TMEM272: variants seen among roughly 807,000 people sequenced by gnomAD.
The protein encoded by TMEM272 is transmembrane protein 272.
Under a neutral mutation model 3.7 loss-of-function variants are expected in TMEM272, and 8 were observed. The observed-to-expected ratio is 2.17, with a 90% CI of 1.27 to 3.91. The LOEUF (loss-of-function observed/expected upper bound fraction) is 3.91. Among genes scored for constraint, TMEM272 ranks in the 30% most tolerant of loss-of-function variants. The pLI is 0.00. For synonymous variants in TMEM272, 63 were observed against 39.8 expected, an observed-to-expected ratio of 1.58 and a Z score of -2.20; for missense variants, 166 against 91.5, an observed-to-expected ratio of 1.81 and a Z score of -3.32.
At chr13:51,829,707 T>C (rs527272616) in intron 2 of TMEM272, among the ~76,000 whole-genome samples, 53 of 152,276 alleles carry the variant, frequency 3.5e-4, no homozygotes, top group Non-Finnish European at 7.2e-4. Context: ...TGGCCACATA[T>C]ATAATCCAGG....
At chr13:51,880,405 G>A in the TMEM272 span, among the ~76,000 whole-genome samples, 1 of 152,108 alleles carries the variant, frequency 6.6e-6, no homozygotes, top group South Asian at 2.1e-4. Context: ...TGGGCCTGTA[G>A]TATTAAAGTA....
the TMEM272 span, among the ~76,000 whole-genome samples, chr13:51,899,835 A>C: frequency 6.6e-6 from 1 of 152,266 alleles, no homozygotes; most frequent in African/African-American, 2.4e-5. Context: ...TTAAATTATG[A>C]ATAGAAATAA....
chr13:51,931,634 T>C, the TMEM272 span, among the ~76,000 whole-genome samples: 5 of 151,882 alleles, frequency 3.3e-5, no homozygotes, highest in Admixed American at 3.3e-4. Flanking sequence ...ACTTAAAGTA[T>C]AACAAAAAAA....
chr13:51,829,310 A>ATTTT (rs1369293726), intron 2 of TMEM272, among the ~76,000 whole-genome samples: 1 of 152,208 alleles, frequency 6.6e-6, no homozygotes, highest in Non-Finnish European at 1.5e-5. Context: ...CAGCAAATAA[A>ATTTT]AAGGCCAAAA....
At chr13:51,885,131 T>C in the TMEM272 span, among the ~76,000 whole-genome samples, 3 of 152,164 alleles carry the variant, frequency 2.0e-5, no homozygotes, top group Non-Finnish European at 4.4e-5. Flanking sequence ...TGAAGTTCAG[T>C]CTGCTAGGGG....
At chr13:51,847,235 AC>A (rs1956311798), upstream of TMEM272, among the ~76,000 whole-genome samples, 2 of 152,172 alleles carry the variant, frequency 1.3e-5, no homozygotes, top group Non-Finnish European at 2.9e-5. Flanking sequence ...CCTTTTAGGA[AC>A]CGGGCCCCAC....
the TMEM272 span, among the ~76,000 whole-genome samples, chr13:51,905,911 CAG>C: frequency 2.0e-5 from 3 of 152,178 alleles, no homozygotes; most frequent in Non-Finnish European, 2.9e-5. Flanking sequence ...GGCTCTGAAG[CAG>C]ACAGGTAGGA....
At chr13:51,890,645 C>T in the TMEM272 span, among the ~76,000 whole-genome samples, 1 of 152,182 alleles carries the variant, frequency 6.6e-6, no homozygotes, top group Non-Finnish European at 1.5e-5. Context: ...ATCAAGTGCA[C>T]ACAAACTTAT....
intron 2 of TMEM272, among the ~76,000 whole-genome samples, chr13:51,831,686 G>A (rs1179367213): frequency 6.6e-6 from 1 of 152,220 alleles, no homozygotes; most frequent in South Asian, 2.1e-4. Context: ...CCTGCCTCCT[G>A]GGGCATCTGG....
chr13:51,909,244 T>C, the TMEM272 span: 1 of 1,166,818 alleles, frequency 8.6e-7, no homozygotes, highest in East Asian at 2.4e-5. Flanking sequence ...GCCAAACAAT[T>C]ATCATGTGCT....
chr13:51,908,507 C>T, the TMEM272 span: 375 of 1,480,306 alleles, frequency 2.5e-4, 3 homozygotes, highest in South Asian at 3.9e-3. Flanking sequence ...ACGGGCCCCT[C>T]GTATCCACTG....
chr13:51,921,102 G>A, the TMEM272 span: 1 of 152,254 alleles, frequency 6.6e-6, no homozygotes, highest in Non-Finnish European at 1.5e-5. Context: ...GCTGACCCTG[G>A]TCAATACGCA....
At chr13:51,931,331 C>T in the TMEM272 span, among the ~76,000 whole-genome samples, 33 of 151,234 alleles carry the variant, frequency 2.2e-4, no homozygotes, top group Middle Eastern at 0.01. Context: ...GAGTTGATGT[C>T]CTTTGCAGGG....
the TMEM272 span, chr13:51,909,401 C>G: frequency 1.1e-6 from 1 of 877,560 alleles, no homozygotes; most frequent in African/African-American, 1.6e-5. Context: ...GTTTCTCTTT[C>G]TCTAACCGGT....
At chr13:51,838,315 C>A (rs764997357) in intron 2 of TMEM272, among the ~76,000 whole-genome samples, 158 bp downstream of exon 2, 2 of 152,186 alleles carry the variant, frequency 1.3e-5, no homozygotes, top group Non-Finnish European at 2.9e-5. Context: ...AAGCAGCCAA[C>A]CGAGGGCCGG....
At position 51,813,943 on chromosome 13, in the gene TMEM272, A is replaced by G. The variant is rs1335521309; in HGVS notation, c.*2808T>C. The G allele has an allele frequency of 6.6e-6, 1 of 152,220 alleles. No homozygotes were observed. The allele number at this position is 152,220 out of a possible 1,614,324, so 9.4% of individuals were successfully genotyped here. A position where few individuals can be genotyped will look rare whatever the true frequency, so the allele number is the denominator to read the frequency against. ...GCATCCAGAAAGTTCAGGTGTTCCC[A>G]TGTCCACTTCCCATTGCCTTGCCAG... On this transcript the variant is annotated 3_prime_UTR_variant, in exon 5 of 5. Transcript: ENST00000629372.
the TMEM272 span, among the ~76,000 whole-genome samples, chr13:51,902,524 T>C: frequency 6.6e-6 from 1 of 152,344 alleles, no homozygotes; most frequent in African/African-American, 2.4e-5. Context: ...TTATAGAAAG[T>C]ATGTTATCAT....
At chr13:51,864,007 T>G in the TMEM272 span, among the ~76,000 whole-genome samples, 1 of 152,168 alleles carries the variant, frequency 6.6e-6, no homozygotes, top group Admixed American at 6.5e-5. Flanking sequence ...GTTACAGGGA[T>G]TGCTATGGAT....
At chr13:51,883,248 T>C in the TMEM272 span, among the ~76,000 whole-genome samples, 72,069 of 152,104 alleles carry the variant, frequency 0.47, 18,025 homozygotes, top group Non-Finnish European at 0.56. Flanking sequence ...TGGGGGCACG[T>C]TACAGCTCTC....
Sources: allele counts gnomAD v4.1 joint callset (sites outside exome capture counted in the v4.1 genomes callset), GRCh38; gene constraint gnomAD v4.1.1; transcripts MANE v1.5; gene names NCBI Gene and HGNC (gene_info 2026-07-23, HGNC 2026-07-21).